Variants in HIBADH observed in about 807,000 individuals in gnomAD.
HIBADH encodes 3-hydroxyisobutyrate dehydrogenase, also known as 3-hydroxyisobutyrate dehydrogenase, mitochondrial.
Under a neutral mutation model 36.1 loss-of-function variants are expected in HIBADH, and 25 were observed. The observed-to-expected ratio is 0.69, with a 90% CI of 0.50 to 0.97. The LOEUF (loss-of-function observed/expected upper bound fraction) is 0.97, where lower values mean the gene tolerates loss of function less well. Ranked by LOEUF, HIBADH falls within the 50% of genes least tolerant of loss-of-function variation. HIBADH has a pLI of 0.00. For missense variants in HIBADH, 421 were observed against 418.0 expected (o/e 1.01, Z -0.06); for synonymous variants, 160 against 149.5 (o/e 1.07, Z -0.51).
chr7:27,552,882 G>C (rs925315719), intron 4 of HIBADH, among the ~76,000 whole-genome samples: 1 of 152,160 alleles, frequency 6.6e-6, no homozygotes, highest in African/African-American at 2.4e-5. Flanking sequence ...TTGATAAATA[G>C]AGCTCTGCAT....
chr7:27,655,953 CA>C (rs772323974), intron 1 of HIBADH, among the ~76,000 whole-genome samples: 3 of 150,350 alleles, frequency 2.0e-5, no homozygotes, highest in African/African-American at 4.9e-5. Flanking sequence ...GGTAATTTGG[CA>C]AAAAAAAATT....
chr7:27,574,763 C>T (rs1784684294), intron 4 of HIBADH, among the ~76,000 whole-genome samples: 1 of 152,094 alleles, frequency 6.6e-6, no homozygotes, highest in Non-Finnish European at 1.5e-5. Context: ...TTATTTTTAC[C>T]AAAACACAAG....
chr7:27,637,920 C>G (rs1785871099), intron 2 of HIBADH, among the ~76,000 whole-genome samples: 2 of 152,102 alleles, frequency 1.3e-5, no homozygotes. Context: ...CAAAATACTA[C>G]TCAAAGAAAT....
chr7:27,591,344 G>A (rs1031152107), intron 4 of HIBADH, among the ~76,000 whole-genome samples: 6 of 152,114 alleles, frequency 3.9e-5, no homozygotes, highest in African/African-American at 4.8e-5. Context: ...GAGGTCAGGA[G>A]ATCGAGACCA....
At chr7:27,529,313 T>G (rs186152530) in intron 7 of HIBADH, among the ~76,000 whole-genome samples, 185 of 152,302 alleles carry the variant, frequency 1.2e-3, no homozygotes, top group Non-Finnish European at 8.8e-4. Context: ...CTACCATATA[T>G]AGTGATTCCT....
At chr7:27,574,010 AT>A (rs1441230785) in intron 4 of HIBADH, among the ~76,000 whole-genome samples, 1 of 152,172 alleles carries the variant, frequency 6.6e-6, no homozygotes. Flanking sequence ...TACTTTCAGA[AT>A]TTGAACCTAA....
chr7:27,576,554 A>G (rs1255147404), intron 4 of HIBADH, among the ~76,000 whole-genome samples: 2 of 152,172 alleles, frequency 1.3e-5, no homozygotes, highest in Non-Finnish European at 2.9e-5. Flanking sequence ...GTGGCCCATA[A>G]TTTTCCAATG....
chr7:27,618,607 T>C (rs895576640), intron 4 of HIBADH, among the ~76,000 whole-genome samples: 2 of 152,226 alleles, frequency 1.3e-5, no homozygotes, highest in Admixed American at 6.5e-5. Flanking sequence ...ATTGGTCCAC[T>C]GGTAACCACT....
At chr7:27,542,437 CGTT>C (rs1784165680) in intron 5 of HIBADH, among the ~76,000 whole-genome samples, 2 of 122,680 alleles carry the variant, frequency 1.6e-5, no homozygotes, top group African/African-American at 6.3e-5. Flanking sequence ...TTTTTTTTCC[CGTT>C]TTTTTTTTTT....
intron 4 of HIBADH, among the ~76,000 whole-genome samples, chr7:27,576,744 T>C (rs941790534): frequency 5.9e-5 from 9 of 152,218 alleles, no homozygotes; most frequent in Non-Finnish European, 1.0e-4. Context: ...GCTCTCCTGC[T>C]TCTACCCAAG....
chr7:27,647,347 T>C (rs1229395516), intron 2 of HIBADH, among the ~76,000 whole-genome samples: 1 of 152,232 alleles, frequency 6.6e-6, no homozygotes, highest in African/African-American at 2.4e-5. Flanking sequence ...ATAAATTGTT[T>C]ATTTCTTGAA....
At chr7:27,639,863 T>C (rs1300055509) in intron 2 of HIBADH, among the ~76,000 whole-genome samples, 3 of 152,198 alleles carry the variant, frequency 2.0e-5, no homozygotes, top group African/African-American at 7.2e-5. Flanking sequence ...AGCTATTAAG[T>C]AGTCCTGTAA....
intron 1 of HIBADH, among the ~76,000 whole-genome samples, chr7:27,661,614 G>T (rs75572011): frequency 2.0e-5 from 3 of 150,590 alleles, no homozygotes; most frequent in Non-Finnish European, 3.0e-5. Context: ...AAAAAAGGGC[G>T]GGGGGCCAAG....
At chr7:27,655,442 G>T (rs1314701005) in intron 1 of HIBADH, among the ~76,000 whole-genome samples, 1 of 152,152 alleles carries the variant, frequency 6.6e-6, no homozygotes, top group African/African-American at 2.4e-5. Context: ...AAGAAAAAAA[G>T]TCAATGTGGC....
intron 4 of HIBADH, among the ~76,000 whole-genome samples, chr7:27,560,558 AAAAT>A (rs1274037528): frequency 6.6e-6 from 1 of 152,254 alleles, no homozygotes; most frequent in African/African-American, 2.4e-5. Context: ...TATTGTACCC[AAAAT>A]AAATATATCG....
At chr7:27,657,550 G>A (rs952408155) in intron 1 of HIBADH, among the ~76,000 whole-genome samples, 10 of 152,220 alleles carry the variant, frequency 6.6e-5, no homozygotes, top group East Asian at 1.9e-4. Flanking sequence ...TGATGTTACT[G>A]AAGCTGAAGA....
intron 7 of HIBADH, among the ~76,000 whole-genome samples, chr7:27,527,120 G>C (rs1783914667): frequency 6.6e-6 from 1 of 152,022 alleles, no homozygotes. Context: ...AGAGGGAGAA[G>C]TGAGTTCAGC....
At position 27,629,355 on chromosome 7, in the gene HIBADH, T is replaced by C. The variant is rs117473553; in HGVS notation, c.484+16A>G. The C allele has an allele frequency of 6.2e-7, 1 of 1,607,830 alleles. No homozygotes were observed. Among genetic ancestry groups the C allele is most frequent in the East Asian group, 2.2e-5 (1 of 44,654 alleles). On this transcript the variant is annotated intron_variant, in intron 4 of 7. Transcript: ENST00000265395. ...CAAACATAAATAGGTTTGCATATAT[T>C]TTAGCTACCACTTACCACCAGAAAC...
chr7:27,641,037 T>A (rs977477011), intron 2 of HIBADH, among the ~76,000 whole-genome samples: 9 of 152,112 alleles, frequency 5.9e-5, no homozygotes, highest in Admixed American at 5.9e-4. Context: ...CAGGTGGCCA[T>A]CTTGCACCTT....
Sources: gnomAD v4.1 joint callset for allele counts (sites outside exome capture counted in the v4.1 genomes callset) on GRCh38, gnomAD v4.1.1 for gene constraint, MANE v1.5 for transcripts, NCBI Gene and HGNC (gene_info 2026-07-23, HGNC 2026-07-21) for gene names.